Variants in SGPL1 observed in about 807,000 individuals in gnomAD.
SGPL1 encodes the protein sphingosine-1-phosphate lyase 1, also known as SP-lyase 1.
SGPL1 carries 37 observed loss-of-function variants against 68.9 expected under a neutral mutation model. That is an observed-to-expected ratio of 0.54 (90% CI 0.41 to 0.71). The LOEUF is 0.71. Among genes scored for constraint, SGPL1 ranks in the 30% least tolerant of loss-of-function variants. The pLI is 0.00. For synonymous variants in SGPL1, 236 were observed against 248.5 expected (o/e 0.95, Z 0.47); for missense variants, 551 against 704.6 (o/e 0.78, Z 2.47).
chr10:70,845,046 G>A lies in SGPL1; in HGVS notation c.193+408G>A, dbSNP rs180682387. On this transcript the variant is annotated intron_variant, in intron 3 of 14. Coordinates refer to ENST00000373202, the MANE Select transcript of SGPL1 (RefSeq NM_003901.4). ...AGCCACCGTGCCCGGCCCTGGTTTG[G>A]TTCTTATTTTTAAAATCTGTTTAAA... Among the ~76,000 whole-genome samples, 405 of 152,158 alleles carry A rather than the reference G, an allele frequency of 2.7e-3. 4 individuals are homozygous for A. Among genetic ancestry groups the A allele is most frequent in the African/African-American group, 9.3e-3 (385 of 41,532 alleles).
chr10:70,831,155 G>A (rs571471159), intron 2 of SGPL1, among the ~76,000 whole-genome samples: 19 of 152,206 alleles, frequency 1.2e-4, no homozygotes, highest in African/African-American at 2.2e-4. Context: ...CTGGTAACCC[G>A]GAGGGGCGTC....
intron 2 of SGPL1, among the ~76,000 whole-genome samples, chr10:70,838,711 A>G (rs1007858953): frequency 2.0e-5 from 3 of 152,246 alleles, no homozygotes; most frequent in Admixed American, 6.5e-5. Context: ...TGATCCATTT[A>G]GAGGGACACA....
At chr10:70,825,920 G>A (rs1218756588) in intron 2 of SGPL1, among the ~76,000 whole-genome samples, 6 of 152,160 alleles carry the variant, frequency 3.9e-5, no homozygotes, top group Non-Finnish European at 8.8e-5. Flanking sequence ...GGTGGCTCAC[G>A]CCTGTAATCC....
chr10:70,871,284 T>C, intron 10 of SGPL1, 138 bp downstream of exon 10: 1 of 577,324 alleles, frequency 1.7e-6, no homozygotes, highest in African/African-American at 1.9e-5. Context: ...TCATCAGCCC[T>C]AGGGGAAGCC....
chr10:70,863,050 T>A (rs983663633), intron 7 of SGPL1, among the ~76,000 whole-genome samples: 7 of 152,284 alleles, frequency 4.6e-5, no homozygotes, highest in African/African-American at 1.7e-4. Flanking sequence ...AGTGGTGCCA[T>A]CTCAGCTCAC....
At chr10:70,863,558 G>A (rs894347318) in intron 7 of SGPL1, among the ~76,000 whole-genome samples, 36 of 152,006 alleles carry the variant, frequency 2.4e-4, no homozygotes, top group African/African-American at 8.0e-4. Flanking sequence ...CTAGATTGAA[G>A]TTAAGTCTGG....
chr10:70,842,154 T>G (rs1845726866), intron 2 of SGPL1, among the ~76,000 whole-genome samples: 1 of 152,176 alleles, frequency 6.6e-6, no homozygotes, highest in South Asian at 2.1e-4. Context: ...GTATTATAGT[T>G]TATTTAACCA....
At chr10:70,828,874 C>A (rs943335552) in intron 2 of SGPL1, among the ~76,000 whole-genome samples, 1 of 152,074 alleles carries the variant, frequency 6.6e-6, no homozygotes, top group East Asian at 1.9e-4. Flanking sequence ...GTATTGAATT[C>A]CAGTCTTAAT....
At chr10:70,871,750 A>T in intron 10 of SGPL1, 87 bp from the exon 11 acceptor site, 1 of 1,295,466 alleles carries the variant, frequency 7.7e-7, no homozygotes, top group Non-Finnish European at 1.1e-6. Flanking sequence ...CCTTGTGTTT[A>T]TAGCCCATCT....
chr10:70,871,721 G>A, intron 10 of SGPL1, 116 bp from the exon 11 acceptor site: 1 of 870,926 alleles, frequency 1.1e-6, no homozygotes, highest in Non-Finnish European at 1.7e-6. Flanking sequence ...AAAAACATGG[G>A]AGGCATAATA....
intron 2 of SGPL1, among the ~76,000 whole-genome samples, chr10:70,836,088 A>T (rs913426728): frequency 5.3e-5 from 8 of 152,240 alleles, no homozygotes; most frequent in African/African-American, 1.9e-4. Context: ...CAAAATTGCC[A>T]CATTTTCCTT....
intron 7 of SGPL1, chr10:70,866,267 G>A (rs11596753): frequency 0.046 from 6,939 of 152,008 alleles, 214 homozygotes; most frequent in Non-Finnish European, 0.063. Flanking sequence ...TGTGCCTGTA[G>A]TCCCAGCTAC....
chr10:70,826,535 G>A (rs1845441459), intron 2 of SGPL1, among the ~76,000 whole-genome samples: 2 of 152,194 alleles, frequency 1.3e-5, no homozygotes, highest in African/African-American at 4.8e-5. Context: ...ACGTGCAGAA[G>A]AGTATAGAAA....
At chr10:70,842,895 C>T (rs912860483) in intron 2 of SGPL1, among the ~76,000 whole-genome samples, 17 of 151,758 alleles carry the variant, frequency 1.1e-4, no homozygotes, top group African/African-American at 4.1e-4. Context: ...TGTTTGTATT[C>T]AGTATAAATT....
At chr10:70,848,704 C>T (rs1033775507) in intron 3 of SGPL1, among the ~76,000 whole-genome samples, 5 of 152,112 alleles carry the variant, frequency 3.3e-5, no homozygotes, top group African/African-American at 9.7e-5. Flanking sequence ...TCTCCTGATC[C>T]GCCTGCCTTG....
chr10:70,816,712 G>A (rs1023009662), intron 1 of SGPL1, 99 bp from the exon 2 acceptor site: 2 of 813,942 alleles, frequency 2.5e-6, no homozygotes, highest in Non-Finnish European at 4.4e-6. Flanking sequence ...GCCTTCAAAG[G>A]AGGGAGAGAA....
intron 12 of SGPL1, among the ~76,000 whole-genome samples, chr10:70,874,603 A>C (rs1488957691): frequency 6.6e-6 from 1 of 152,262 alleles, no homozygotes; most frequent in Non-Finnish European, 1.5e-5. Flanking sequence ...CATGCCTGTA[A>C]TCCCAGCTAC....
At chr10:70,870,044 T>C in intron 9 of SGPL1, 147 bp downstream of exon 9, 1 of 572,812 alleles carries the variant, frequency 1.7e-6, no homozygotes, top group Non-Finnish European at 3.1e-6. Flanking sequence ...TAGTGGTGAT[T>C]GACTGCAGCT....
At chr10:70,858,702 T>C (rs1278332417) in intron 6 of SGPL1, among the ~76,000 whole-genome samples, 2 of 152,226 alleles carry the variant, frequency 1.3e-5, no homozygotes, top group African/African-American at 2.4e-5. Context: ...ACTTATTTTT[T>C]CTTAACTACT....
Sources: allele counts gnomAD v4.1 joint callset (sites outside exome capture counted in the v4.1 genomes callset), GRCh38; gene constraint gnomAD v4.1.1; transcripts MANE v1.5; gene names NCBI Gene and HGNC (gene_info 2026-07-23, HGNC 2026-07-21).